GK: variants seen among roughly 807,000 people sequenced by gnomAD.
GK encodes the protein glycerol kinase.
Under a neutral mutation model 56.4 loss-of-function variants are expected in GK, and 9 were observed. The observed-to-expected ratio is 0.16, with a 90% CI of 0.10 to 0.28. The LOEUF (loss-of-function observed/expected upper bound fraction) is 0.28. Ranked by LOEUF, GK falls within the 10% of genes least tolerant of loss-of-function variation. The probability of loss-of-function intolerance (pLI) is 1.00; values close to 1 mark genes in which losing one functional copy is unlikely to be tolerated. For missense variants in GK, 161 were observed against 431.4 expected (o/e 0.37, Z 5.55); for synonymous variants, 104 against 144.1 (o/e 0.72, Z 1.99).
chrX:30,724,549 T>C, intron 19 of GK: 1 of 272,626 alleles, frequency 3.7e-6, no homozygotes, highest in Non-Finnish European at 6.8e-6. Context: ...GGGCTGTCTT[T>C]ATGACCTGAA....
At chrX:30,696,716 C>G in intron 8 of GK, 33 bp downstream of exon 8, 1 of 990,084 alleles carries the variant, frequency 1.0e-6, no homozygotes, top group Non-Finnish European at 1.4e-6. Flanking sequence ...AAAAACACAC[C>G]AAAAAACCAA....
intron 4 of GK, among the ~76,000 whole-genome samples, chrX:30,684,216 C>T (rs144618952): frequency 0.01 from 1,168 of 112,122 alleles, 18 homozygotes; most frequent in Admixed American, 0.047. Context: ...GGGAAATGTT[C>T]TGTCCAAACT....
rs189354530 is a variant in GK at position 30,689,158 on chromosome X, G to A, written c.338-1965G>A. ...TGTATTTTGAAACACTGAGTATTGA[G>A]ATGTGCTTGTTAATTTTACCTATCA... On this transcript the variant is annotated intron_variant, in intron 4 of 20. Transcript: ENST00000427190. Among the ~76,000 whole-genome samples, 426 of 112,350 alleles carry A rather than the reference G, an allele frequency of 3.8e-3. 6 individuals carry two copies. Among genetic ancestry groups the A allele is most frequent in the African/African-American group, 0.013 (402 of 31,003 alleles).
intron 8 of GK, 138 bp downstream of exon 8, chrX:30,696,821 G>T: frequency 1.9e-6 from 1 of 516,145 alleles, no homozygotes; most frequent in South Asian, 2.9e-5. Flanking sequence ...TATGTTTTGT[G>T]ACTTAAAAAC....
chrX:30,664,908 T>G (rs758970382), intron 1 of GK, among the ~76,000 whole-genome samples: 1 of 109,877 alleles, frequency 9.1e-6, no homozygotes, highest in African/African-American at 3.3e-5. Flanking sequence ...TTTCACCATG[T>G]TGGCCAGTCT....
At chrX:30,700,764 C>A (rs78052133) in intron 10 of GK, 74 bp from the exon 11 acceptor site, 1 of 504,848 alleles carries the variant, frequency 2.0e-6, no homozygotes, top group Non-Finnish European at 3.4e-6. Context: ...AATGAAAAAT[C>A]CTATGGCTCT....
chrX:30,664,489 C>T (rs1443892971), intron 1 of GK, among the ~76,000 whole-genome samples: 1 of 108,835 alleles, frequency 9.2e-6, no homozygotes, highest in South Asian at 3.8e-4. Context: ...TGAGCCACCA[C>T]GCCCGGCAAA....
chrX:30,682,982 T>C (rs1934361142), intron 4 of GK, among the ~76,000 whole-genome samples: 1 of 111,023 alleles, frequency 9.0e-6, no homozygotes, highest in African/African-American at 3.3e-5. Flanking sequence ...CATGGCCTAA[T>C]TTATCTCTCA....
chrX:30,670,022 T>C (rs1020574004), intron 3 of GK, among the ~76,000 whole-genome samples: 1 of 112,539 alleles, frequency 8.9e-6, no homozygotes, highest in African/African-American at 3.2e-5. Context: ...TATCCTCCCT[T>C]TATCCCTACA....
intron 15 of GK, among the ~76,000 whole-genome samples, chrX:30,719,753 T>C (rs1338084512): frequency 8.9e-6 from 1 of 112,289 alleles, no homozygotes; most frequent in Non-Finnish European, 1.9e-5. Context: ...CTGTAAGTTG[T>C]ATAGTGAAGG....
At chrX:30,727,582 A>G in intron 20 of GK, 30 bp downstream of exon 20, 1 of 873,763 alleles carries the variant, frequency 1.1e-6, no homozygotes, top group South Asian at 2.1e-5. Flanking sequence ...AGACAACTCT[A>G]TTAGTTAGCT....
chrX:30,666,824 A>T (rs1933106652), intron 2 of GK, among the ~76,000 whole-genome samples: 1 of 112,056 alleles, frequency 8.9e-6, no homozygotes, highest in Admixed American at 9.5e-5. Flanking sequence ...CTAGATGAAA[A>T]TTATAAATAC....
intron 11 of GK, among the ~76,000 whole-genome samples, chrX:30,701,708 A>C (rs1213371313): frequency 8.9e-6 from 1 of 112,354 alleles, no homozygotes. Flanking sequence ...CCATTATCTG[A>C]AGTTTCTCCT....
At position 30,697,594 on chromosome X, in the gene GK, G is replaced by A; in HGVS notation, c.730-138G>A. The stretch of plus-strand genomic sequence containing the variant: ...TTCATAGCTGTCTGCAAACTGACTT[G>A]GGTCAAGGAAAAAGAAACGATGCTT... On this transcript the variant is annotated intron_variant, in intron 8 of 20. Transcript: ENST00000427190. 3 of 523,828 alleles carry A rather than the reference G, an allele frequency of 5.7e-6. No individual in the cohort carries two copies. In the East Asian group the frequency reaches 1.0e-4, roughly 18 times the overall value. The allele number at this position is 523,828 out of a possible 1,213,427, so 43.2% of individuals were successfully genotyped here. A position where few individuals can be genotyped will look rare whatever the true frequency, so the allele number is the denominator to read the frequency against.
At chrX:30,688,456 C>T (rs755507831) in intron 4 of GK, among the ~76,000 whole-genome samples, 20 of 98,478 alleles carry the variant, frequency 2.0e-4, no homozygotes, top group Non-Finnish European at 3.8e-4. Context: ...GAGCCGCGAT[C>T]GCATCACTGC....
chrX:30,712,451 C>T (rs1464778001), intron 13 of GK, among the ~76,000 whole-genome samples: 2 of 111,011 alleles, frequency 1.8e-5, no homozygotes, highest in African/African-American at 3.3e-5. Context: ...TCTATCTAGT[C>T]TAGAGTTTAC....
chrX:30,684,527 G>T (rs756799153), intron 4 of GK, among the ~76,000 whole-genome samples: 1 of 110,413 alleles, frequency 9.1e-6, no homozygotes, highest in Non-Finnish European at 1.9e-5. Flanking sequence ...TTAGCTGGGC[G>T]TGGTAGCGCG....
At chrX:30,724,072 T>A in intron 18 of GK, 29 bp from the exon 19 acceptor site, 2 of 900,006 alleles carry the variant, frequency 2.2e-6, no homozygotes, top group Non-Finnish European at 3.3e-6. Context: ...TACCTTTCGT[T>A]ATGTGTTTTT....
At chrX:30,718,752 T>A in intron 14 of GK, 136 bp downstream of exon 14, 4 of 482,430 alleles carry the variant, frequency 8.3e-6, no homozygotes, top group Non-Finnish European at 1.5e-5. Flanking sequence ...TGAGTTTGAC[T>A]TATGCAAAAG....
Sources: gnomAD v4.1 joint callset for allele counts (sites outside exome capture counted in the v4.1 genomes callset) on GRCh38, gnomAD v4.1.1 for gene constraint, MANE v1.5 for transcripts, NCBI Gene and HGNC (gene_info 2026-07-23, HGNC 2026-07-21) for gene names.